CSRP3: variants seen among roughly 807,000 people sequenced by gnomAD.
The protein encoded by CSRP3 is cysteine and glycine rich protein 3, also known as cysteine and glycine-rich protein 3.
A neutral mutation model predicts 24.3 loss-of-function variants in CSRP3; 24 were observed. The observed-to-expected ratio is 0.99, with a 90% CI of 0.71 to 1.39. The LOEUF (loss-of-function observed/expected upper bound fraction) is 1.39, where lower values mean the gene tolerates loss of function less well. Among genes scored for constraint, CSRP3 ranks in the 40% most tolerant of loss-of-function variants. The pLI is 0.00. For synonymous variants in CSRP3, 105 were observed against 94.0 expected, an observed-to-expected ratio of 1.12 and a Z score of -0.68; for missense variants, 240 against 249.0, an observed-to-expected ratio of 0.96 and a Z score of 0.24.
intron 5 of CSRP3, among the ~76,000 whole-genome samples, chr11:19,184,161 T>C (rs758930106): frequency 6.6e-6 from 1 of 152,186 alleles, no homozygotes; most frequent in Non-Finnish European, 1.5e-5. Context: ...TCTTCTCTCT[T>C]AACTCCCTTT....
At chr11:19,200,849 G>A (rs575057902) in intron 1 of CSRP3, among the ~76,000 whole-genome samples, 1 of 152,180 alleles carries the variant, frequency 6.6e-6, no homozygotes, top group Admixed American at 6.5e-5. Flanking sequence ...CCCACTCTTC[G>A]TGCTGTTCAC....
At chr11:19,182,863 T>C in intron 5 of CSRP3, 117 bp from the exon 6 acceptor site, 3 of 804,924 alleles carry the variant, frequency 3.7e-6, no homozygotes, top group Non-Finnish European at 6.5e-6. Flanking sequence ...TTGATAGATT[T>C]ATGCATAAGT....
chr11:19,184,905 C>A, intron 5 of CSRP3, 47 bp downstream of exon 5: 7 of 1,381,658 alleles, frequency 5.1e-6, no homozygotes, highest in Non-Finnish European at 7.2e-6. Flanking sequence ...CTCCCAAGGG[C>A]CCTTTTAGGG....
At position 19,192,562 on chromosome 11, in the gene CSRP3, G is replaced by A. The variant is rs190654106; in HGVS notation, c.-28-86C>T. On this transcript the variant is annotated intron_variant, in intron 1 of 5. Transcript: ENST00000265968. ...AAGAGTGCAGTGGTCTGAAGACCAG[G>A]ATCCAGCCCAATTTTTTTTTAGTGT... is the stretch of plus-strand genomic sequence containing the variant. The A allele has an allele frequency of 1.8e-4, 144 of 813,374 alleles. No homozygotes were observed. In the African/African-American group the frequency reaches 2.0e-3, roughly 11 times the overall value. 50.4% of individuals were successfully genotyped at this position (813,374 alleles called of 1,614,324 possible).
intron 2 of CSRP3, 65 bp from the exon 3 acceptor site, chr11:19,188,369 A>G: frequency 1.3e-6 from 2 of 1,568,998 alleles, no homozygotes; most frequent in Non-Finnish European, 1.7e-6. Flanking sequence ...TTGCACTCCC[A>G]ATGCCATGCT....
intron 1 of CSRP3, among the ~76,000 whole-genome samples, chr11:19,193,521 A>G (rs1253104992): frequency 1.3e-5 from 2 of 152,206 alleles, no homozygotes; most frequent in Non-Finnish European, 2.9e-5. Context: ...TAAAAAAATA[A>G]TTGTCCTCTG....
In CSRP3 at chr11:19,182,263, G is replaced by T; in HGVS notation, c.*407C>A. 1 of 180,062 alleles carries T rather than the reference G, an allele frequency of 5.6e-6. No homozygotes were observed. The highest frequency in any genetic ancestry group is 1.3e-4 in the South Asian group (1 of 7,968). The allele number at this position is 180,062 out of a possible 1,614,324, so 11.2% of individuals were successfully genotyped here. A position where few individuals can be genotyped will look rare whatever the true frequency, so the allele number is the denominator to read the frequency against. ...GACACTTGGCTGACAGATTCTGAAA[G>T]ACTGCTTTCCTTTGCGCATTGTTTC... On this transcript the variant is annotated 3_prime_UTR_variant, in exon 6 of 6. Coordinates refer to ENST00000265968, the MANE Select transcript of CSRP3 (RefSeq NM_003476.5).
Position 19,182,721 on chromosome 11 carries a change from G to C in CSRP3, c.534C>G (p.Pro178=), listed in dbSNP as rs755450152. 1.9e-6 allele frequency: 3 copies of C among 1,613,970 alleles called. No individual in the cohort carries two copies. The highest frequency in any genetic ancestry group is 1.7e-6 in the Non-Finnish European group (2 of 1,179,988). The change falls in exon 6 of 6, where the codon CCC becomes CCG. Residue 178 remains proline, a synonymous_variant. Coordinates refer to ENST00000265968, the MANE Select transcript of CSRP3 (RefSeq NM_003476.5). The part of the protein sequence containing the change: ...CKVCYAKNFG[P]TGIGFGGLTQ... ...TAAGGCCTCCAAACCCAATACCCGT[G>C]GGGCCAAAATTTTTGGCATAGCAAA...
At chr11:19,194,082 A>C (rs575249264) in intron 1 of CSRP3, among the ~76,000 whole-genome samples, 1 of 152,266 alleles carries the variant, frequency 6.6e-6, no homozygotes, top group Non-Finnish European at 1.5e-5. Context: ...CCTTCTGGGA[A>C]GCCAGTCACC....
intron 5 of CSRP3, among the ~76,000 whole-genome samples, chr11:19,184,693 G>A (rs561201618): frequency 6.6e-6 from 1 of 152,226 alleles, no homozygotes; most frequent in Non-Finnish European, 1.5e-5. Flanking sequence ...TCTCCCCCAG[G>A]TGCCTAACTT....
At chr11:19,200,206 A>G (rs1476276441) in intron 1 of CSRP3, among the ~76,000 whole-genome samples, 1 of 152,148 alleles carries the variant, frequency 6.6e-6, no homozygotes, top group East Asian at 1.9e-4. Context: ...ATCTCATTCA[A>G]TTCTCACAAG....
chr11:19,190,240 T>G (rs924191399), intron 2 of CSRP3, among the ~76,000 whole-genome samples: 1 of 152,240 alleles, frequency 6.6e-6, no homozygotes, highest in African/African-American at 2.4e-5. Context: ...GCCTATACCC[T>G]AAGGTGCCCT....
intron 2 of CSRP3, among the ~76,000 whole-genome samples, chr11:19,189,741 A>G (rs1312697954): frequency 6.6e-6 from 1 of 152,242 alleles, no homozygotes; most frequent in East Asian, 1.9e-4. Flanking sequence ...TCAACATTGT[A>G]TGTGTTAAAA....
chr11:19,198,368 G>A (rs1349765477), intron 1 of CSRP3, among the ~76,000 whole-genome samples: 1 of 152,212 alleles, frequency 6.6e-6, no homozygotes, highest in African/African-American at 2.4e-5. Flanking sequence ...CCAATCCATT[G>A]TCTCTCCATG....
intron 3 of CSRP3, among the ~76,000 whole-genome samples, chr11:19,187,484 A>G (rs374445438): frequency 6.8e-4 from 104 of 152,316 alleles, no homozygotes; most frequent in African/African-American, 2.4e-3. Flanking sequence ...ACTTTCCTCA[A>G]TTCTGGGCTG....
chr11:19,197,501 C>CTCTTTCGTTCGT (rs1491110501), intron 1 of CSRP3, among the ~76,000 whole-genome samples: 11 of 67,126 alleles, frequency 1.6e-4, no homozygotes, highest in African/African-American at 6.0e-4. Context: ...CCCTCTTTTC[C>CTCTTTCGTTCGT]TCTTTCTTTC....
At chr11:19,194,165 T>C (rs1418852950) in intron 1 of CSRP3, among the ~76,000 whole-genome samples, 1 of 152,166 alleles carries the variant, frequency 6.6e-6, no homozygotes, top group African/African-American at 2.4e-5. Flanking sequence ...CACAGTCTCA[T>C]AACAAAGGCA....
At chr11:19,184,389 GGGTCAGAGCTGCAA>G (rs1351147857) in intron 5 of CSRP3, among the ~76,000 whole-genome samples, 1 of 152,214 alleles carries the variant, frequency 6.6e-6, no homozygotes, top group Non-Finnish European at 1.5e-5. Flanking sequence ...GAGGCAGCGA[GGGTCAGAGCTGCAA>G]GGACCAGGAG....
chr11:19,184,372 G>C (rs1850489568), intron 5 of CSRP3, among the ~76,000 whole-genome samples: 2 of 152,202 alleles, frequency 1.3e-5, no homozygotes, highest in Admixed American at 6.5e-5. Context: ...AAGACCAAGG[G>C]ATTATGGAGG....
Sources: gnomAD v4.1 joint callset for allele counts (sites outside exome capture counted in the v4.1 genomes callset) on GRCh38, gnomAD v4.1.1 for gene constraint, MANE v1.5 for transcripts, NCBI Gene and HGNC (gene_info 2026-07-23, HGNC 2026-07-21) for gene names.